DIDO1: variants seen among roughly 807,000 people sequenced by gnomAD.
DIDO1 encodes the protein death inducer-obliterator 1, also known as death-inducer obliterator 1.
A neutral mutation model predicts 99.4 loss-of-function variants in DIDO1; 16 were observed. That is an observed-to-expected ratio of 0.16 (90% confidence interval 0.11 to 0.24). DIDO1 has a LOEUF of 0.24. Among genes scored for constraint, DIDO1 ranks in the 10% least tolerant of loss-of-function variants. The pLI is 1.00. For synonymous variants in DIDO1, 1,366 were observed against 1,239.1 expected, an observed-to-expected ratio of 1.10 and a Z score of -2.15; for missense variants, 2,996 against 3,014.0, an observed-to-expected ratio of 0.99 and a Z score of 0.14.
intron 13 of DIDO1, among the ~76,000 whole-genome samples, chr20:62,892,316 T>TC (rs1229818712): frequency 2.1e-4 from 32 of 152,290 alleles, no homozygotes; most frequent in Middle Eastern, 6.8e-3. Context: ...GCCCAACACT[T>TC]CTATGCTGTC....
chr20:62,881,984 C>T lies in DIDO1; in HGVS notation c.3972G>A (p.Lys1324=). 1 of 1,613,516 alleles carries T rather than the reference C, an allele frequency of 6.2e-7. No individual in the cohort carries two copies. The highest frequency in any genetic ancestry group is 8.5e-7 in the Non-Finnish European group (1 of 1,180,038). Residue 1324 remains lysine (K), a synonymous_variant, in exon 16 of 16, where the codon AAG becomes AAA. Coordinates refer to ENST00000395343, the MANE Select transcript of DIDO1 (RefSeq NM_001193369.2). The surrounding 1 kb of genome is among the most constrained non-coding windows in gnomAD (Gnocchi z 8.3). ...LEHILQTLFG[K]KKSFDPSARE... ...TGGCGGACGGGTCGAATGATTTCTT[C>T]TTTCCAAAGAGAGTCTGCAGGATGT...
At chr20:62,936,857 G>A (rs1206513164) in intron 1 of DIDO1, among the ~76,000 whole-genome samples, 1 of 152,252 alleles carries the variant, frequency 6.6e-6, no homozygotes, top group Non-Finnish European at 1.5e-5. Flanking sequence ...GTGAGACTTC[G>A]TCTCAAAATA....
At chr20:62,900,606 A>AGGCCCCCATGTAGCAAC (rs2064648275) in intron 6 of DIDO1, among the ~76,000 whole-genome samples, 1 of 152,252 alleles carries the variant, frequency 6.6e-6, no homozygotes, top group South Asian at 2.1e-4. Context: ...GACTGTCCAG[A>AGGCCCCCATGTAGCAAC]GGCCCCCATG....
intron 6 of DIDO1, among the ~76,000 whole-genome samples, 165 bp from the exon 7 acceptor site, chr20:62,897,161 T>C (rs979849451): frequency 8.6e-5 from 13 of 151,900 alleles, no homozygotes; most frequent in African/African-American, 3.1e-4. Context: ...TTCAGAGGAG[T>C]GTAAGGGAGG....
intron 13 of DIDO1, 128 bp downstream of exon 13, chr20:62,892,681 G>C (rs765431812): frequency 1.7e-5 from 21 of 1,266,546 alleles, no homozygotes; most frequent in Middle Eastern, 3.9e-4. Context: ...ACAGACGGTT[G>C]CAAGAGTGTC....
Position 62,880,891 on chromosome 20 carries a change from C to T in DIDO1, c.5065G>A (p.Ala1689Thr), listed in dbSNP as rs1378490084. The change falls in exon 16 of 16, where the codon GCG (alanine) becomes ACG (threonine). Residue 1689 changes from alanine to threonine, a missense_variant. Physicochemically the swap from Ala to Thr is moderately conservative, Grantham distance 58. This residue lies in a region of DIDO1 where 1,562 missense variants were observed against 1,412.6 expected (regional missense o/e 1.11). Coordinates refer to ENST00000395343, the MANE Select transcript of DIDO1 (RefSeq NM_001193369.2). The stretch of plus-strand genomic sequence containing the variant: ...GAGCCGAGAGCCTTGTCCTGCGACG[C>T]GAACCCCGGGCAGGTGAAAGGGTCC... ...ERDPFTCPGFASQDKALGSAQ... is the reference protein window; with the variant it reads ...ERDPFTCPGFTSQDKALGSAQ... The T allele has an allele frequency of 2.5e-6, 4 of 1,611,880 alleles. No individual in the cohort carries two copies. The highest frequency in any genetic ancestry group is 3.4e-6 in the Non-Finnish European group (4 of 1,179,960).
Position 62,893,887 on chromosome 20 carries a change from G to T in DIDO1, c.2880C>A (p.Thr960=), listed in dbSNP as rs11699796. 2 of 1,611,196 alleles carry T rather than the reference G, an allele frequency of 1.2e-6. No homozygotes were observed. The highest frequency in any genetic ancestry group is 2.2e-5 in the South Asian group (2 of 91,044). The part of the protein sequence containing the change: ...PASCGSGVVT[T]VTVSGRDPRT... ...TGGGGTCCCGGCCGGACACTGTGAC[G>T]GTGGTGACCACCCCGCTCCCACAGG... The change falls in exon 12 of 16, where the codon ACC becomes ACA. Residue 960 remains threonine (T), a synonymous_variant. Coordinates refer to ENST00000395343, the MANE Select transcript of DIDO1 (RefSeq NM_001193369.2).
In DIDO1 at chr20:62,911,045, T is replaced by TC. The variant is rs779872741; in HGVS notation, c.567dup (p.Lys190GlufsTer18). 6.2e-7 allele frequency: 1 copy of TC among 1,613,644 alleles called. No homozygotes were observed. The highest frequency in any genetic ancestry group is 8.5e-7 in the Non-Finnish European group (1 of 1,179,994). ...GCGGGACCCTCCTCCCGGCGCTTCT[T>TC]CCGCAGGCGACTCTGGATCCCTTTC... is the stretch of plus-strand genomic sequence containing the variant. On this transcript the variant is annotated frameshift_variant, in exon 3 of 16. Transcript: ENST00000395343. LOFTEE classifies it high-confidence loss of function. The surrounding 1 kb of genome is among the most constrained non-coding windows in gnomAD (Gnocchi z 7.0).
intron 1 of DIDO1, among the ~76,000 whole-genome samples, chr20:62,937,088 G>C (rs529960272): frequency 6.6e-5 from 10 of 152,310 alleles, no homozygotes; most frequent in South Asian, 4.1e-4. Flanking sequence ...GACCGACATA[G>C]CTTACACGTT....
chr20:62,890,088 C>T (rs2064367321), intron 15 of DIDO1: 5 of 985,744 alleles, frequency 5.1e-6, no homozygotes, highest in East Asian at 1.1e-4. Flanking sequence ...GAACACCCGC[C>T]GAGGCCTGGT....
intron 13 of DIDO1, among the ~76,000 whole-genome samples, 179 bp downstream of exon 13, chr20:62,892,630 G>A (rs978560630): frequency 3.9e-5 from 6 of 152,142 alleles, no homozygotes; most frequent in South Asian, 2.1e-4. Context: ...GACTCATCAC[G>A]GCCATCGCCA....
chr20:62,888,005 C>G (rs1180727562), intron 15 of DIDO1: 2 of 985,362 alleles, frequency 2.0e-6, no homozygotes, highest in Non-Finnish European at 2.4e-6. Flanking sequence ...GATCCAGCTA[C>G]TGCTGTGAAC....
intron 6 of DIDO1, among the ~76,000 whole-genome samples, chr20:62,898,040 G>A (rs770104651): frequency 2.0e-5 from 3 of 152,168 alleles, no homozygotes; most frequent in Non-Finnish European, 2.9e-5. Flanking sequence ...TCCAACGATC[G>A]GTACAGCAGC....
chr20:62,916,104 CT>C lies in DIDO1; in HGVS notation c.-199-1699del, dbSNP rs558219981. ...CAAGGCACAAGCAAAAAAACCTGTT[CT>C]AACACAACTTTTTGTGTGTATAATT... is the stretch of plus-strand genomic sequence containing the variant. On this transcript the variant is annotated intron_variant, in intron 1 of 15. Coordinates refer to ENST00000395343, the MANE Select transcript of DIDO1 (RefSeq NM_001193369.2). Among the ~76,000 whole-genome samples, 4 of 152,278 alleles carry C rather than the reference CT, an allele frequency of 2.6e-5. No individual in the cohort carries two copies. In the South Asian group the frequency reaches 8.3e-4, roughly 32 times the overall value.
At chr20:62,886,834 G>A (rs2064304681) in intron 15 of DIDO1, among the ~76,000 whole-genome samples, 1 of 152,218 alleles carries the variant, frequency 6.6e-6, no homozygotes, top group South Asian at 2.1e-4. Context: ...AACAAGGGGT[G>A]ACGTATGACT....
intron 14 of DIDO1, among the ~76,000 whole-genome samples, chr20:62,891,631 T>C (rs1438067457): frequency 6.6e-6 from 1 of 151,926 alleles, no homozygotes; most frequent in African/African-American, 2.4e-5. Flanking sequence ...CCTTCAATCA[T>C]AAAAAAACAA....
rs769471263 is a variant in DIDO1 at position 62,896,800 on chromosome 20, G to C, written c.1785C>G (p.Pro595=). ...KPPSGFKGTI[P]KRPWLSATPS... is the part of the protein sequence containing the mutation. ...GGGTAGCGGAGAGCCATGGCCTCTT[G>C]GGGATGGTGCCCTTGAAACCTGAGG... The change falls in exon 7 of 16, where the codon CCC becomes CCG. Residue 595 remains proline (P), a synonymous_variant. Transcript: ENST00000395343. The surrounding 1 kb of genome is among the most constrained non-coding windows in gnomAD (Gnocchi z 4.4). 1 of 1,614,046 alleles carries C rather than the reference G, an allele frequency of 6.2e-7. No individual in the cohort carries two copies. Among genetic ancestry groups the C allele is most frequent in the Non-Finnish European group, 8.5e-7 (1 of 1,180,058 alleles).
Position 62,880,721 on chromosome 20 carries a change from GCCC to G in DIDO1, c.5232_5234del (p.Gly1745del). ...GCTGACCCTGAAACGGGGGCTGAGA[GCCC>G]CCCACTTTCTGTCCTGGTGGGGGGA... On this transcript the variant is annotated inframe_deletion, in exon 16 of 16. Transcript: ENST00000395343. 1 of 1,612,676 alleles carries G rather than the reference GCCC, an allele frequency of 6.2e-7. No individual in the cohort carries two copies. The highest frequency in any genetic ancestry group is 8.5e-7 in the Non-Finnish European group (1 of 1,179,874).
chr20:62,905,660 G>A, intron 6 of DIDO1: 1 of 1,585,692 alleles, frequency 6.3e-7, no homozygotes, highest in Non-Finnish European at 8.6e-7. Context: ...CACCAGTGAG[G>A]TTTACAGCTT....
Sources: allele counts gnomAD v4.1 joint callset (sites outside exome capture counted in the v4.1 genomes callset), GRCh38; gene constraint gnomAD v4.1.1; regional missense constraint gnomAD v4.1.1; non-coding constraint Gnocchi (gnomAD v3.1); transcripts MANE v1.5; gene names NCBI Gene and HGNC (gene_info 2026-07-23, HGNC 2026-07-21).